Variants in PRUNE1 observed in about 807,000 individuals in gnomAD.
The protein encoded by PRUNE1 is exopolyphosphatase PRUNE1.
Under a neutral mutation model 42.5 loss-of-function variants are expected in PRUNE1, and 25 were observed. That is an observed-to-expected ratio of 0.59 (90% confidence interval 0.43 to 0.82). The LOEUF is 0.82. PRUNE1 is among the 40% of genes least tolerant of loss of function. The pLI is 0.00. For missense variants in PRUNE1, 443 were observed against 539.3 expected (o/e 0.82, Z 1.77); for synonymous variants, 203 against 217.1 (o/e 0.93, Z 0.57).
intron 6 of PRUNE1, 74 bp from the exon 7 acceptor site, chr1:151,028,712 C>T (rs751836777): frequency 1.1e-5 from 16 of 1,506,742 alleles, no homozygotes; most frequent in Middle Eastern, 4.9e-4. Context: ...CGTAAGCGAC[C>T]GTGCCCGGCC....
At chr1:151,029,033 C>T in intron 7 of PRUNE1, 89 bp downstream of exon 7, 1 of 1,316,134 alleles carries the variant, frequency 7.6e-7, no homozygotes, top group Non-Finnish European at 1.0e-6. Context: ...ATAAGGACCT[C>T]TCTTAGGTTC....
At position 151,018,683 on chromosome 1, in the gene PRUNE1, A is replaced by T; in HGVS notation, c.335+14A>T. 6.2e-7 allele frequency: 1 copy of T among 1,606,978 alleles called. No individual in the cohort carries two copies. Among genetic ancestry groups the T allele is most frequent in the South Asian group, 1.1e-5 (1 of 90,854 alleles). ...TATCTTATCCAAGTAAGCACAAGGA[A>T]ATTAAATTGCTACCTATCATGTACC... is the stretch of plus-strand genomic sequence containing the variant. On this transcript the variant is annotated intron_variant, in intron 3 of 7. Transcript: ENST00000271620.
At chr1:151,010,329 CT>C (rs983966347) in intron 1 of PRUNE1, among the ~76,000 whole-genome samples, 54 of 152,348 alleles carry the variant, frequency 3.5e-4, no homozygotes, top group African/African-American at 1.2e-3. Context: ...AACAATCCCC[CT>C]GGCTTGGCTT....
chr1:151,034,655 A>G lies in PRUNE1; in HGVS notation c.*421A>G, dbSNP rs1675451632. The G allele has an allele frequency of 6.1e-6, 1 of 164,694 alleles. No homozygotes were observed. Among genetic ancestry groups the G allele is most frequent in the South Asian group, 1.6e-4 (1 of 6,210 alleles). The allele number at this position is 164,694 out of a possible 1,614,324, so 10.2% of individuals were successfully genotyped here. On this transcript the variant is annotated 3_prime_UTR_variant, in exon 8 of 8. Transcript: ENST00000271620. ...CATTTATTCACTTGTTCATTCAAGT[A>G]TTTATTGAATACCTGCCTCAAGCTA...
intron 7 of PRUNE1, among the ~76,000 whole-genome samples, chr1:151,033,536 A>G (rs754402258): frequency 1.3e-5 from 2 of 150,728 alleles, no homozygotes; most frequent in African/African-American, 2.4e-5. Context: ...GACTACAGGC[A>G]CCCGCCACCA....
At chr1:151,008,738 A>C in intron 1 of PRUNE1, 67 bp downstream of exon 1, 2 of 1,558,542 alleles carry the variant, frequency 1.3e-6, no homozygotes, top group Non-Finnish European at 1.8e-6. Context: ...AAGACGTGGG[A>C]TCTGGGGGAG....
intron 1 of PRUNE1, among the ~76,000 whole-genome samples, chr1:151,017,399 G>T (rs1443650553): frequency 6.6e-6 from 1 of 152,098 alleles, no homozygotes; most frequent in African/African-American, 2.4e-5. Context: ...TAGATTATTT[G>T]ACCTACCTCC....
chr1:151,030,625 A>G (rs1373211219), intron 7 of PRUNE1, among the ~76,000 whole-genome samples: 2 of 152,136 alleles, frequency 1.3e-5, no homozygotes, highest in African/African-American at 4.8e-5. Flanking sequence ...AGCTGGGACT[A>G]CAGGCGCCTG....
intron 3 of PRUNE1, among the ~76,000 whole-genome samples, chr1:151,019,261 T>G (rs1399730955): frequency 1.3e-5 from 2 of 151,956 alleles, no homozygotes; most frequent in African/African-American, 4.8e-5. Flanking sequence ...GGTATCATTA[T>G]TTAAGATTTT....
intron 1 of PRUNE1, among the ~76,000 whole-genome samples, chr1:151,015,230 G>A (rs1674025233): frequency 6.6e-6 from 1 of 151,906 alleles, no homozygotes. Flanking sequence ...CTACTCGGGA[G>A]GCTGAAGGGG....
chr1:151,035,390 C>T lies in PRUNE1; in HGVS notation c.*1156C>T, dbSNP rs1334056142. On this transcript the variant is annotated 3_prime_UTR_variant, in exon 8 of 8. Transcript: ENST00000271620. Reference sequence around the variant, plus strand: ...TGTGGTTCATGGCGTGTTGACCCAGCAGAGCACTCCCTCCCACTAACTTGT... The same window carrying T: ...TGTGGTTCATGGCGTGTTGACCCAGTAGAGCACTCCCTCCCACTAACTTGT... The T allele has an allele frequency of 6.6e-6, 1 of 152,288 alleles. No homozygotes were observed. The highest frequency in any genetic ancestry group is 1.5e-5 in the Non-Finnish European group (1 of 68,068). The allele number at this position is 152,288 out of a possible 1,614,324, so 9.4% of individuals were successfully genotyped here.
At chr1:151,027,576 C>CT in intron 6 of PRUNE1, among the ~76,000 whole-genome samples, 1 of 128,924 alleles carries the variant, frequency 7.8e-6, no homozygotes, top group Non-Finnish European at 1.6e-5. Context: ...CCAGAGTGGT[C>CT]TTTTTTAATT....
intron 1 of PRUNE1, among the ~76,000 whole-genome samples, chr1:151,011,783 ATTT>A (rs11342247): frequency 2.1e-5 from 3 of 145,242 alleles, no homozygotes; most frequent in Non-Finnish European, 3.0e-5. Flanking sequence ...TAATTAATTA[ATTT>A]TTTTTTTTTT....
intron 7 of PRUNE1, among the ~76,000 whole-genome samples, chr1:151,030,574 G>A (rs1180089021): frequency 6.6e-6 from 1 of 151,976 alleles, no homozygotes; most frequent in African/African-American, 2.4e-5. Flanking sequence ...CACTGCAACC[G>A]CCACCTCCCA....
intron 5 of PRUNE1, among the ~76,000 whole-genome samples, chr1:151,026,623 C>CAAAA (rs587668739): frequency 6.6e-6 from 1 of 150,770 alleles, no homozygotes; most frequent in African/African-American, 2.4e-5. Context: ...GAAGAGAACC[C>CAAAA]AAAAAAAACT....
At chr1:151,016,918 T>C (rs1674136467) in intron 1 of PRUNE1, among the ~76,000 whole-genome samples, 2 of 151,126 alleles carry the variant, frequency 1.3e-5, no homozygotes, top group Non-Finnish European at 2.9e-5. Flanking sequence ...CCCAGCACTT[T>C]GGGAGGCCAA....
Position 151,024,907 on chromosome 1 carries a change from A to T in PRUNE1, c.520+112A>T, listed in dbSNP as rs1674729628. 5.4e-6 allele frequency: 6 copies of T among 1,104,172 alleles called. No individual in the cohort carries two copies. In the South Asian group the frequency reaches 1.0e-4, roughly 18 times the overall value. The allele number at this position is 1,104,172 out of a possible 1,614,324, so 68.4% of individuals were successfully genotyped here. A position where few individuals can be genotyped will look rare whatever the true frequency, so the allele number is the denominator to read the frequency against. On this transcript the variant is annotated intron_variant, in intron 4 of 7. Coordinates refer to ENST00000271620, the MANE Select transcript of PRUNE1 (RefSeq NM_021222.3). ...TAACCATATGCTCTCAGAGCCATTCAGCTCATACCAAAAGATAGGATTCTT... is the reference window on the plus strand; with the variant it reads ...TAACCATATGCTCTCAGAGCCATTCTGCTCATACCAAAAGATAGGATTCTT...
chr1:151,021,868 A>G (rs987794764), intron 3 of PRUNE1, among the ~76,000 whole-genome samples: 1 of 151,368 alleles, frequency 6.6e-6, no homozygotes, highest in African/African-American at 2.4e-5. Context: ...GGGCTTCACC[A>G]TGTTGGTCAG....
At chr1:151,022,180 G>T (rs1304601520) in intron 3 of PRUNE1, among the ~76,000 whole-genome samples, 1 of 144,206 alleles carries the variant, frequency 6.9e-6, no homozygotes, top group African/African-American at 2.6e-5. Flanking sequence ...GCACCATCTC[G>T]GCTCACTGCA....
Sources: allele counts gnomAD v4.1 joint callset (sites outside exome capture counted in the v4.1 genomes callset), GRCh38; gene constraint gnomAD v4.1.1; transcripts MANE v1.5; gene names NCBI Gene and HGNC (gene_info 2026-07-23, HGNC 2026-07-21).